The following ST3GAL4 variants were observed in gnomAD, a reference collection of about 807,000 sequenced individuals.
ST3GAL4 encodes ST3 beta-galactoside alpha-2,3-sialyltransferase 4.
In ST3GAL4, 24 loss-of-function variants were observed where a neutral mutation model predicts 42.6. That is an observed-to-expected ratio of 0.56 (90% CI 0.41 to 0.79). ST3GAL4 has a LOEUF of 0.79. Among genes scored for constraint, ST3GAL4 ranks in the 30% least tolerant of loss-of-function variants. The pLI is 0.00. For missense variants in ST3GAL4, 311 were observed against 430.8 expected (o/e 0.72, Z 2.46); for synonymous variants, 135 against 163.2 (o/e 0.83, Z 1.32).
rs200382428 is a variant in ST3GAL4 at position 126,406,893 on chromosome 11, G to T, written c.102-50G>T. On this transcript the variant is annotated intron_variant, in intron 3 of 10. Coordinates refer to ENST00000444328, the MANE Select transcript of ST3GAL4 (RefSeq NM_001254757.2). The surrounding 1 kb of genome is among the most constrained non-coding windows in gnomAD (Gnocchi z 5.4). ...AAGGCTTAGGCTGCCTGGAACATGG[G>T]TCCCTGGGTCTGACTGGGGCTTCTG... 1,796 of 1,536,698 alleles carry T rather than the reference G, an allele frequency of 1.2e-3. 3 individuals are homozygous for T. The highest frequency in any genetic ancestry group is 1.5e-3 in the Non-Finnish European group (1,665 of 1,111,254).
At chr11:126,362,193 CTTTT>C (rs763280766) in intron 1 of ST3GAL4, among the ~76,000 whole-genome samples, 3 of 119,072 alleles carry the variant, frequency 2.5e-5, no homozygotes, top group East Asian at 2.5e-4. Flanking sequence ...ACATTTCTTC[CTTTT>C]TTTTTTTTTT....
chr11:126,399,896 C>A (rs567792070), intron 1 of ST3GAL4, among the ~76,000 whole-genome samples: 2 of 152,134 alleles, frequency 1.3e-5, no homozygotes, highest in Admixed American at 6.5e-5. Context: ...CCTTCACGAT[C>A]GATATTTCTA....
Position 126,393,359 on chromosome 11 carries a change from T to A in ST3GAL4, c.-60-12737T>A, listed in dbSNP as rs1953593875. The A allele has an allele frequency of 1.3e-5, 2 of 152,236 alleles. No homozygotes were observed. The highest frequency in any genetic ancestry group is 2.9e-5 in the Non-Finnish European group (2 of 68,112). The allele number at this position is 152,236 out of a possible 1,614,324, so 9.4% of individuals were successfully genotyped here. ...CCCTTGCAGGCACTGGGGCAGGATA[T>A]CAGGGGGTCCAGAAGAGGTTGGGTT... On this transcript the variant is annotated intron_variant, in intron 1 of 10. Transcript: ENST00000444328. This position sits in a 1 kb window ranked among gnomAD's most constrained non-coding sequence, Gnocchi z 5.9.
At chr11:126,407,462 G>A in intron 5 of ST3GAL4, 112 bp from the exon 6 acceptor site, 1 of 1,564,416 alleles carries the variant, frequency 6.4e-7, no homozygotes, top group East Asian at 2.2e-5. Context: ...TCGGGTACCA[G>A]GGTCAGGGGA....
chr11:126,362,746 A>G (rs888044132), intron 1 of ST3GAL4, among the ~76,000 whole-genome samples: 5 of 152,170 alleles, frequency 3.3e-5, no homozygotes, highest in African/African-American at 1.2e-4. Flanking sequence ...CTGGCACTCA[A>G]TTAGCATCTG....
chr11:126,400,160 T>C lies in ST3GAL4; in HGVS notation c.-60-5936T>C, dbSNP rs553506179. ...CACAGATTGAGTATATTATAATGAA[T>C]AGAATTTTATTTGGCTCATGGTTCT... On this transcript the variant is annotated intron_variant, in intron 1 of 10. Coordinates refer to ENST00000444328, the MANE Select transcript of ST3GAL4 (RefSeq NM_001254757.2). This position sits in a 1 kb window ranked among gnomAD's most constrained non-coding sequence, Gnocchi z 4.6. Among the ~76,000 whole-genome samples, 2 of 152,312 alleles carry C rather than the reference T, an allele frequency of 1.3e-5. No individual in the cohort carries two copies. Among genetic ancestry groups the C allele is most frequent in the East Asian group, 1.9e-4 (1 of 5,182 alleles).
Position 126,384,678 on chromosome 11 carries a change from C to G in ST3GAL4, c.-60-21418C>G. ...GACAGACAGATGGAGAGCCACCTCC[C>G]TAGGGGCCTCCTCCCCCTCCCCTTC... On this transcript the variant is annotated intron_variant, in intron 1 of 10. Transcript: ENST00000444328. This position sits in a 1 kb window ranked among gnomAD's most constrained non-coding sequence, Gnocchi z 5.5. 1 of 985,160 alleles carries G rather than the reference C, an allele frequency of 1.0e-6. No individual in the cohort carries two copies. The highest frequency in any genetic ancestry group is 1.2e-6 in the Non-Finnish European group (1 of 829,726). 61.0% of individuals were successfully genotyped at this position (985,160 alleles called of 1,614,324 possible). A position where few individuals can be genotyped will look rare whatever the true frequency, so the allele number is the denominator to read the frequency against.
In ST3GAL4 at chr11:126,398,490, G is replaced by A. The variant is rs1398227941; in HGVS notation, c.-60-7606G>A. Among the ~76,000 whole-genome samples, 1 of 152,234 alleles carries A rather than the reference G, an allele frequency of 6.6e-6. No homozygotes were observed. The highest frequency in any genetic ancestry group is 1.5e-5 in the Non-Finnish European group (1 of 68,034). ...CAGCTCTCACCGGTTGGAGTCTCAT[G>A]CTTGCAGCTCCCCCAGGTTGCTGTT... On this transcript the variant is annotated intron_variant, in intron 1 of 10. Coordinates refer to ENST00000444328, the MANE Select transcript of ST3GAL4 (RefSeq NM_001254757.2). The surrounding 1 kb of genome is among the most constrained non-coding windows in gnomAD (Gnocchi z 4.7).
At chr11:126,395,704 C>T (rs923424381) in intron 1 of ST3GAL4, among the ~76,000 whole-genome samples, 1 of 152,202 alleles carries the variant, frequency 6.6e-6, no homozygotes, top group Non-Finnish European at 1.5e-5. Context: ...TTTCACGTGG[C>T]TGTCCTTCTT....
rs1276864878 is a variant in ST3GAL4 at position 126,398,386 on chromosome 11, C to T, written c.-60-7710C>T. Among the ~76,000 whole-genome samples, 1 of 152,276 alleles carries T rather than the reference C, an allele frequency of 6.6e-6. No homozygotes were observed. The highest frequency in any genetic ancestry group is 6.5e-5 in the Admixed American group (1 of 15,286). ...TTGACTCCATGTCCTGCCTTCCAGA[C>T]ACACTCGGGTAGGGACTTGGGCCCC... On this transcript the variant is annotated intron_variant, in intron 1 of 10. Coordinates refer to ENST00000444328, the MANE Select transcript of ST3GAL4 (RefSeq NM_001254757.2). The surrounding 1 kb of genome is among the most constrained non-coding windows in gnomAD (Gnocchi z 4.7).
chr11:126,375,983 G>T (rs183549521), intron 1 of ST3GAL4, among the ~76,000 whole-genome samples: 402 of 150,102 alleles, frequency 2.7e-3, no homozygotes, highest in African/African-American at 9.2e-3. Context: ...TACATCGTTA[G>T]TCACGTATTA....
At chr11:126,358,287 T>C (rs1952138995) in intron 1 of ST3GAL4, 2 of 248,158 alleles carry the variant, frequency 8.1e-6, no homozygotes, top group African/African-American at 2.3e-5. Context: ...CACGCTGGGA[T>C]CCTCCTTCCT....
At chr11:126,374,273 G>A (rs1313460108) in intron 1 of ST3GAL4, among the ~76,000 whole-genome samples, 1 of 151,796 alleles carries the variant, frequency 6.6e-6, no homozygotes, top group Admixed American at 6.6e-5. Flanking sequence ...ACAACATGGG[G>A]AAACCCCGTT....
intron 9 of ST3GAL4, 114 bp from the exon 10 acceptor site, chr11:126,413,391 G>T: frequency 1.2e-5 from 17 of 1,376,764 alleles, no homozygotes; most frequent in Non-Finnish European, 1.7e-5. Flanking sequence ...TTGTTGGACA[G>T]CGCAGATGGA....
chr11:126,399,081 C>CT (rs1953896062), intron 1 of ST3GAL4, among the ~76,000 whole-genome samples: 1 of 152,124 alleles, frequency 6.6e-6, no homozygotes, highest in African/African-American at 2.4e-5. Context: ...TCTTATTGTA[C>CT]TAATCTCCTT....
In ST3GAL4 at chr11:126,410,744, C is replaced by T. The variant is rs972082685; in HGVS notation, c.771+1333C>T. ...TGGCGAGGAAGTTGTGCTCCTTGCT[C>T]TAAGGGACCTCAGTCTAGCAGAGTA... On this transcript the variant is annotated intron_variant, in intron 9 of 10. Transcript: ENST00000444328. The surrounding 1 kb of genome is among the most constrained non-coding windows in gnomAD (Gnocchi z 5.3). Among the ~76,000 whole-genome samples the T allele has an allele frequency of 6.6e-6, 1 of 152,110 alleles. No individual in the cohort carries two copies. Among genetic ancestry groups the T allele is most frequent in the Non-Finnish European group, 1.5e-5 (1 of 68,032 alleles).
At chr11:126,408,032 C>A in intron 6 of ST3GAL4, 67 bp from the exon 7 acceptor site, 1 of 1,535,754 alleles carries the variant, frequency 6.5e-7, no homozygotes, top group Non-Finnish European at 8.9e-7. Context: ...TGGGCCCAGG[C>A]AGATCCAGGG....
chr11:126,358,328 T>C, intron 1 of ST3GAL4: 1 of 288,224 alleles, frequency 3.5e-6, no homozygotes, highest in Non-Finnish European at 7.3e-6. Flanking sequence ...ACCTGAAGCT[T>C]TTGGTTGCCG....
At chr11:126,407,686 C>A in intron 6 of ST3GAL4, 52 bp downstream of exon 6, 1 of 1,578,872 alleles carries the variant, frequency 6.3e-7, no homozygotes, top group African/African-American at 1.3e-5. Context: ...TTTCCTGCCC[C>A]CTGCCCGCTC....
Sources: gnomAD v4.1 joint callset for allele counts (sites outside exome capture counted in the v4.1 genomes callset) on GRCh38, gnomAD v4.1.1 for gene constraint, Gnocchi (gnomAD v3.1) non-coding constraint, MANE v1.5 for transcripts, NCBI Gene and HGNC (gene_info 2026-07-23, HGNC 2026-07-21) for gene names.